Variants in KIAA0513 observed in about 807,000 individuals in gnomAD.
KIAA0513 encodes KIAA0513, also known as uncharacterized protein KIAA0513.
In KIAA0513, 39 loss-of-function variants were observed where a neutral mutation model predicts 56.5. The observed-to-expected ratio is 0.69, with a 90% CI of 0.53 to 0.90. The LOEUF (loss-of-function observed/expected upper bound fraction) is 0.90. Ranked by LOEUF, KIAA0513 falls within the 40% of genes least tolerant of loss-of-function variation. KIAA0513 has a pLI of 0.00. For synonymous variants in KIAA0513, 268 were observed against 215.6 expected, an observed-to-expected ratio of 1.24 and a Z score of -2.13; for missense variants, 591 against 535.2, an observed-to-expected ratio of 1.10 and a Z score of -1.03.
At chr16:85,050,356 TTTA>T (rs1555520940) in intron 1 of KIAA0513, among the ~76,000 whole-genome samples, 2,135 of 62,776 alleles carry the variant, frequency 0.034, 37 homozygotes, top group African/African-American at 0.11. Context: ...TATTTATTTA[TTTA>T]TTTTTTTTGA....
chr16:85,070,674 C>T (rs945716823), intron 2 of KIAA0513, among the ~76,000 whole-genome samples: 8 of 152,078 alleles, frequency 5.3e-5, no homozygotes, highest in African/African-American at 1.7e-4. Context: ...AGCGAGACTC[C>T]GTCTCAAAAA....
Position 85,092,543 on chromosome 16 carries a change from AGGCGAAAC to A in KIAA0513, c.*4222_*4229del, listed in dbSNP as rs1261278977. Reference sequence around the variant, plus strand: ...TCCCTCCTCAGTTTCCGCAGCCACAAGGCGAAACGGCCAGATTCTCACTCAAGGTCGTT... The same window carrying A: ...TCCCTCCTCAGTTTCCGCAGCCACAAGGCCAGATTCTCACTCAAGGTCGTT... On this transcript the variant is annotated 3_prime_UTR_variant, in exon 13 of 13. Transcript: ENST00000683363. 4 of 152,166 alleles carry A rather than the reference AGGCGAAAC, an allele frequency of 2.6e-5. No individual in the cohort carries two copies. The highest frequency in any genetic ancestry group is 5.9e-5 in the Non-Finnish European group (4 of 68,030). 9.4% of individuals were successfully genotyped at this position (152,166 alleles called of 1,614,324 possible). A position where few individuals can be genotyped will look rare whatever the true frequency, so the allele number is the denominator to read the frequency against.
chr16:85,072,799 A>G, intron 3 of KIAA0513, 126 bp from the exon 4 acceptor site: 1 of 893,750 alleles, frequency 1.1e-6, no homozygotes, highest in Non-Finnish European at 1.8e-6. Context: ...GTGCAGAGGC[A>G]GCAGACATCC....
At chr16:85,046,361 C>T (rs1294099027) in intron 1 of KIAA0513, among the ~76,000 whole-genome samples, 1 of 152,226 alleles carries the variant, frequency 6.6e-6, no homozygotes, top group Non-Finnish European at 1.5e-5. Flanking sequence ...TGAAGAACCA[C>T]GGAAAAACTT....
chr16:85,055,465 A>G (rs911177968), intron 1 of KIAA0513, among the ~76,000 whole-genome samples: 1 of 152,240 alleles, frequency 6.6e-6, no homozygotes, highest in Admixed American at 6.5e-5. Context: ...AAAGACAGAA[A>G]GTGAAAGTGA....
At chr16:85,062,885 C>T (rs151245914) in intron 1 of KIAA0513, among the ~76,000 whole-genome samples, 17 of 152,280 alleles carry the variant, frequency 1.1e-4, no homozygotes, top group African/African-American at 3.9e-4. Flanking sequence ...CTTGTCCTGC[C>T]TAGAGGCCCA....
intron 3 of KIAA0513, 92 bp downstream of exon 3, chr16:85,071,974 T>G: frequency 1.2e-6 from 1 of 859,906 alleles, no homozygotes; most frequent in South Asian, 1.5e-5. Flanking sequence ...ACAATGACAC[T>G]CTGGAGAAAA....
rs1403422109 is a variant in KIAA0513 at position 85,077,545 on chromosome 16, A to G, written c.695A>G (p.Lys232Arg). 2 of 1,614,066 alleles carry G rather than the reference A, an allele frequency of 1.2e-6. No individual in the cohort carries two copies. The highest frequency in any genetic ancestry group is 1.7e-6 in the Non-Finnish European group (2 of 1,180,030). Residue 232 changes from lysine (K) to arginine (R), a missense_variant, in exon 6 of 13, where the codon AAG (lysine) becomes AGG (arginine). Transcript: ENST00000683363. ...AAGGACATCGCCGAGCGGCTGCTGAAGAACACCTCGGCCAGGACTGAGAAT... is the reference window on the plus strand; with the variant it reads ...AAGGACATCGCCGAGCGGCTGCTGAGGAACACCTCGGCCAGGACTGAGAAT... ...EKKDIAERLL[K>R]NTSARTENVK...
rs183317981 is a variant in KIAA0513, at chr16:85,046,172, G to T, written c.-173+18314G>T. Among the ~76,000 whole-genome samples the T allele has an allele frequency of 5.3e-5, 8 of 152,268 alleles. No individual in the cohort carries two copies. The East Asian group carries it at 1.4e-3, about 26-fold the overall frequency. On this transcript the variant is annotated intron_variant, in intron 1 of 12. Transcript: ENST00000683363. ...AGCCGAGTAGGAGTCAACTCTTTGG[G>T]GCTGTCTCTTGTGAAGTCCTTCTTA... is the stretch of plus-strand genomic sequence containing the variant.
chr16:85,064,920 G>C (rs1331905909), intron 1 of KIAA0513, among the ~76,000 whole-genome samples: 6 of 152,150 alleles, frequency 3.9e-5, no homozygotes, highest in African/African-American at 1.4e-4. Flanking sequence ...CCAGACCTCA[G>C]GTGATCCACC....
At chr16:85,043,888 C>T (rs575987812) in intron 1 of KIAA0513, among the ~76,000 whole-genome samples, 5 of 152,210 alleles carry the variant, frequency 3.3e-5, no homozygotes, top group South Asian at 2.1e-4. Flanking sequence ...CAAAATTAGC[C>T]GGGCGAGGTG....
chr16:85,071,905 G>T, intron 3 of KIAA0513, 23 bp downstream of exon 3: 1 of 1,464,376 alleles, frequency 6.8e-7, no homozygotes, highest in Non-Finnish European at 9.5e-7. Flanking sequence ...TGATGGGAAG[G>T]ATGGGCGTTT....
intron 2 of KIAA0513, among the ~76,000 whole-genome samples, chr16:85,068,069 C>A (rs1305567835): frequency 6.6e-6 from 1 of 152,184 alleles, no homozygotes; most frequent in African/African-American, 2.4e-5. Context: ...CCTCAGCCTC[C>A]CAAAGTGTTG....
intron 11 of KIAA0513, 140 bp from the exon 12 acceptor site, chr16:85,086,932 C>G (rs2073815982): frequency 2.3e-6 from 2 of 870,522 alleles, no homozygotes; most frequent in African/African-American, 1.7e-5. Context: ...TTGCTGGTGG[C>G]TAATTAGGCA....
intron 1 of KIAA0513, among the ~76,000 whole-genome samples, chr16:85,035,583 C>T (rs781685393): frequency 6.6e-6 from 1 of 152,188 alleles, no homozygotes; most frequent in African/African-American, 2.4e-5. Context: ...CTTGATCTCC[C>T]GGGCTCCAGT....
At chr16:85,036,572 C>T (rs113144395) in intron 1 of KIAA0513, among the ~76,000 whole-genome samples, 1 of 151,108 alleles carries the variant, frequency 6.6e-6, no homozygotes, top group Non-Finnish European at 1.5e-5. Flanking sequence ...CCTCTGCACT[C>T]GTCTCCATCT....
At chr16:85,034,660 G>C (rs1437900909) in intron 1 of KIAA0513, among the ~76,000 whole-genome samples, 1 of 152,158 alleles carries the variant, frequency 6.6e-6, no homozygotes, top group Non-Finnish European at 1.5e-5. Flanking sequence ...TAGTGTGGTT[G>C]TTATTATGGC....
At chr16:85,035,805 C>T (rs887029786) in intron 1 of KIAA0513, among the ~76,000 whole-genome samples, 7 of 152,032 alleles carry the variant, frequency 4.6e-5, no homozygotes, top group East Asian at 3.9e-4. Context: ...AGTGAAACCC[C>T]GTCTCTACTA....
At chr16:85,073,208 C>T (rs1046357523) in intron 4 of KIAA0513, among the ~76,000 whole-genome samples, 1 of 152,160 alleles carries the variant, frequency 6.6e-6, no homozygotes, top group Admixed American at 6.5e-5. Flanking sequence ...CCTTAGCTGG[C>T]AGCGAATGAG....
Sources: gnomAD v4.1 joint callset for allele counts (sites outside exome capture counted in the v4.1 genomes callset) on GRCh38, gnomAD v4.1.1 for gene constraint, MANE v1.5 for transcripts, NCBI Gene and HGNC (gene_info 2026-07-23, HGNC 2026-07-21) for gene names.